The following SNX25 variants were observed in gnomAD, a reference collection of about 807,000 sequenced individuals.
SNX25 encodes the protein sorting nexin 25, also known as sorting nexin-25.
Under a neutral mutation model 113.7 loss-of-function variants are expected in SNX25, and 62 were observed. The ratio of observed to expected loss-of-function variants is 0.55; its 90% CI spans 0.44 to 0.67. SNX25 has a LOEUF of 0.67. Among genes scored for constraint, SNX25 ranks in the 30% least tolerant of loss-of-function variants. SNX25 has a pLI of 0.00. For synonymous variants in SNX25, 421 were observed against 436.2 expected, an observed-to-expected ratio of 0.97 and a Z score of 0.43; for missense variants, 1,014 against 1,161.0, an observed-to-expected ratio of 0.87 and a Z score of 1.84.
At chr4:185,235,745 A>G (rs1027362656) in intron 1 of SNX25, among the ~76,000 whole-genome samples, 3 of 152,116 alleles carry the variant, frequency 2.0e-5, no homozygotes, top group African/African-American at 7.2e-5. Flanking sequence ...AAATAAAAAT[A>G]AAAAATTAGC....
chr4:185,311,597 C>T (rs1261011099), intron 7 of SNX25, among the ~76,000 whole-genome samples: 1 of 152,200 alleles, frequency 6.6e-6, no homozygotes, highest in Non-Finnish European at 1.5e-5. Flanking sequence ...TGCCAGACTC[C>T]TCTCTGTAAT....
intron 5 of SNX25, among the ~76,000 whole-genome samples, chr4:185,286,521 G>A (rs1209962911): frequency 1.3e-5 from 2 of 152,190 alleles, no homozygotes; most frequent in Non-Finnish European, 2.9e-5. Flanking sequence ...AAGTTGGAAA[G>A]GGCTTTTCTG....
At chr4:185,349,476 G>T (rs1579890095) in intron 13 of SNX25, among the ~76,000 whole-genome samples, 1 of 151,948 alleles carries the variant, frequency 6.6e-6, no homozygotes, top group African/African-American at 2.4e-5. Context: ...TTAATTTTTT[G>T]AGGAGCCTCC....
chr4:185,376,981 C>T, the SNX25 span: 1 of 1,613,928 alleles, frequency 6.2e-7, no homozygotes, highest in Non-Finnish European at 8.5e-7. Context: ...CCTTCAAGAG[C>T]TGCAATGCCT....
At chr4:185,244,821 A>G (rs1388297031) in intron 1 of SNX25, among the ~76,000 whole-genome samples, 2 of 152,160 alleles carry the variant, frequency 1.3e-5, no homozygotes, top group African/African-American at 2.4e-5. Flanking sequence ...TCTTGAATCT[A>G]TGGCTTTTTT....
chr4:185,338,784 A>T (rs796193889), intron 10 of SNX25, among the ~76,000 whole-genome samples: 1 of 152,140 alleles, frequency 6.6e-6, no homozygotes, highest in African/African-American at 2.4e-5. Context: ...GTTGAAAATC[A>T]CTTTACCATA....
chr4:185,214,649 A>G (rs1482908668), intron 1 of SNX25, among the ~76,000 whole-genome samples: 1 of 152,230 alleles, frequency 6.6e-6, no homozygotes, highest in Non-Finnish European at 1.5e-5. Context: ...TGAAGAAAGC[A>G]TTAATGAAAG....
chr4:185,251,033 C>T (rs575459797), intron 2 of SNX25, among the ~76,000 whole-genome samples: 119 of 151,780 alleles, frequency 7.8e-4, no homozygotes, highest in African/African-American at 2.5e-3. Flanking sequence ...CTTGCTCCGT[C>T]GCCCAGGCTG....
intron 8 of SNX25, among the ~76,000 whole-genome samples, chr4:185,323,102 G>T (rs142309485): frequency 2.0e-5 from 3 of 152,220 alleles, no homozygotes; most frequent in Non-Finnish European, 2.9e-5. Context: ...TGTTTTTCTC[G>T]TTTTTCTGAG....
chr4:185,343,150 CA>C (rs1561035724), intron 12 of SNX25, among the ~76,000 whole-genome samples: 1 of 152,194 alleles, frequency 6.6e-6, no homozygotes, highest in Admixed American at 6.5e-5. Context: ...CTCGGCCTTA[CA>C]AAGAGCTAGG....
intron 13 of SNX25, among the ~76,000 whole-genome samples, chr4:185,347,592 T>A (rs898773421): frequency 2.6e-5 from 4 of 152,162 alleles, no homozygotes; most frequent in Non-Finnish European, 5.9e-5. Context: ...TGCCTAAGCC[T>A]CCCAAGTAGC....
At chr4:185,287,389 C>A (rs188876075) in intron 5 of SNX25, among the ~76,000 whole-genome samples, 1 of 152,054 alleles carries the variant, frequency 6.6e-6, no homozygotes, top group Non-Finnish European at 1.5e-5. Context: ...GGGTTGGGAC[C>A]GTGTTCTAAA....
At position 185,264,595 on chromosome 4, in the gene SNX25, A is replaced by G. The variant is rs763001640; in HGVS notation, c.889A>G (p.Ile297Val). The change falls in exon 4 of 19, where the codon ATT (isoleucine) becomes GTT (valine). Residue 297 changes from isoleucine (I) to valine (V), a missense_variant. By Grantham distance (29) the Ile-to-Val change is conservative. Transcript: ENST00000652585. ...SLSLRIMLAEILTTKVLKPVV... is the reference protein window; with the variant it reads ...SLSLRIMLAEVLTTKVLKPVV... ...CAGCTTACGTATAATGCTTGCAGAA[A>G]TTCTCACAACAAAAGGTAGACTTAT... The G allele has an allele frequency of 6.2e-7, 1 of 1,614,022 alleles. No individual in the cohort carries two copies. The highest frequency in any genetic ancestry group is 1.1e-5 in the South Asian group (1 of 91,074).
chr4:185,292,563 T>A (rs1408113998), intron 6 of SNX25, among the ~76,000 whole-genome samples: 1 of 152,126 alleles, frequency 6.6e-6, no homozygotes, highest in Non-Finnish European at 1.5e-5. Flanking sequence ...CATACCCAGC[T>A]AATTTTTTTT....
intron 14 of SNX25, among the ~76,000 whole-genome samples, chr4:185,352,819 C>T (rs11722973): frequency 0.15 from 22,993 of 152,108 alleles, 1,873 homozygotes; most frequent in Admixed American, 0.21. Flanking sequence ...ACTGCAGTGC[C>T]CATCCTCAGC....
chr4:185,350,345 A>G (rs1021192076), intron 13 of SNX25, among the ~76,000 whole-genome samples: 4 of 152,140 alleles, frequency 2.6e-5, no homozygotes, highest in African/African-American at 9.7e-5. Context: ...TGAGTGTTCC[A>G]TCTCCCTATG....
intron 6 of SNX25, among the ~76,000 whole-genome samples, chr4:185,307,625 A>G (rs1205652409): frequency 2.6e-5 from 4 of 152,148 alleles, no homozygotes; most frequent in Non-Finnish European, 5.9e-5. Context: ...GCATCCAGCT[A>G]TGTCTGCAAA....
At chr4:185,272,190 A>G (rs1489978072) in intron 5 of SNX25, among the ~76,000 whole-genome samples, 1 of 152,190 alleles carries the variant, frequency 6.6e-6, no homozygotes. Context: ...GGTTCCGGAT[A>G]TTAAAGGGCA....
chr4:185,337,871 A>G (rs1176300118), intron 10 of SNX25, among the ~76,000 whole-genome samples: 2 of 152,186 alleles, frequency 1.3e-5, no homozygotes, highest in African/African-American at 4.8e-5. Flanking sequence ...CTACTATCTT[A>G]TTAAGGTGGT....
Sources: gnomAD v4.1 joint callset for allele counts (sites outside exome capture counted in the v4.1 genomes callset) on GRCh38, gnomAD v4.1.1 for gene constraint, MANE v1.5 for transcripts, NCBI Gene and HGNC (gene_info 2026-07-23, HGNC 2026-07-21) for gene names.